NAV1: variants seen among roughly 807,000 people sequenced by gnomAD.
The protein encoded by NAV1 is pore membrane and/or filament interacting like protein 3.
Under a neutral mutation model 175.2 loss-of-function variants are expected in NAV1, and 18 were observed. That is an observed-to-expected ratio of 0.10 (90% CI 0.07 to 0.15). The LOEUF (loss-of-function observed/expected upper bound fraction) is 0.15, where lower values mean the gene tolerates loss of function less well. Ranked by LOEUF, NAV1 falls within the 10% of genes least tolerant of loss-of-function variation. NAV1 has a pLI of 1.00. For synonymous variants in NAV1, 897 were observed against 978.7 expected (o/e 0.92, Z 1.56); for missense variants, 1,731 against 2,436.6 (o/e 0.71, Z 6.10).
intron 1 of NAV1, among the ~76,000 whole-genome samples, chr1:201,686,801 G>C (rs1670701939): frequency 6.6e-6 from 1 of 152,132 alleles, no homozygotes; most frequent in East Asian, 1.9e-4. Flanking sequence ...AACCCCTGCA[G>C]CCTACCTCTC....
chr1:201,729,115 C>T (rs1672737114), intron 3 of NAV1, among the ~76,000 whole-genome samples: 1 of 152,178 alleles, frequency 6.6e-6, no homozygotes, highest in Non-Finnish European at 1.5e-5. Flanking sequence ...CACTGTCTCC[C>T]CTCTTTAATT....
intron 3 of NAV1, among the ~76,000 whole-genome samples, chr1:201,761,139 ACCT>A (rs1397837929): frequency 6.6e-6 from 1 of 152,078 alleles, no homozygotes; most frequent in African/African-American, 2.4e-5. Flanking sequence ...AAAAAAGATG[ACCT>A]CCTCAGCTTT....
upstream of NAV1, among the ~76,000 whole-genome samples, chr1:201,618,274 C>A (rs897112291): frequency 1.3e-5 from 2 of 152,170 alleles, no homozygotes; most frequent in African/African-American, 4.8e-5. Flanking sequence ...TGAGGCCTAT[C>A]TTTTCCCCCT....
intron 1 of NAV1, among the ~76,000 whole-genome samples, chr1:201,624,869 A>G (rs762591550): frequency 5.9e-5 from 9 of 152,252 alleles, no homozygotes; most frequent in Non-Finnish European, 8.8e-5. Context: ...CATCCCTTAC[A>G]CACCAGGGAC....
chr1:201,808,691 T>C lies in NAV1; in HGVS notation c.4039-12T>C, dbSNP rs571009640. The C allele has an allele frequency of 6.2e-7, 1 of 1,614,238 alleles. No individual in the cohort carries two copies. The highest frequency in any genetic ancestry group is 2.2e-5 in the East Asian group (1 of 44,880). ...CCAGTCTGCCACCCTACCCTGTCTG[T>C]TCTTGCCACAGTTGGAGGTGGACCT... On this transcript the variant is annotated splice_polypyrimidine_tract_variant and intron_variant, in intron 19 of 29. Coordinates refer to ENST00000367296, the Ensembl canonical transcript of NAV1. This position sits in a 1 kb window ranked among gnomAD's most constrained non-coding sequence, Gnocchi z 5.5.
At position 201,718,525 on chromosome 1, in the gene NAV1, T is replaced by C; in HGVS notation, c.996T>C (p.Ser332=). The change falls in exon 3 of 30, where the codon TCT becomes TCC. Residue 332 remains serine (S), a synonymous_variant. Transcript: ENST00000367296. The surrounding 1 kb of genome is among the most constrained non-coding windows in gnomAD (Gnocchi z 4.8). ...GGCTGCAGGCTGGTGACGCGCCCTC[T>C]GTGGGTGGGAGCTGCCGCTCGGAGG... 1.9e-6 allele frequency: 3 copies of C among 1,611,752 alleles called. No individual in the cohort carries two copies. The highest frequency in any genetic ancestry group is 2.5e-6 in the Non-Finnish European group (3 of 1,178,700).
intron 1 of NAV1, among the ~76,000 whole-genome samples, chr1:201,661,129 T>C (rs530845059): frequency 2.1e-3 from 327 of 152,322 alleles, no homozygotes; most frequent in Non-Finnish European, 3.7e-3. Context: ...TGATTCAGGC[T>C]CATGATTCAG....
intron 2 of NAV1, among the ~76,000 whole-genome samples, chr1:201,603,872 C>A (rs758442845): frequency 1.1e-4 from 16 of 152,154 alleles, no homozygotes; most frequent in Non-Finnish European, 2.1e-4. Context: ...TCCATTTCAT[C>A]GCATAGCCTT....
intron 2 of NAV1, among the ~76,000 whole-genome samples, chr1:201,602,444 A>C (rs1667544646): frequency 1.3e-5 from 2 of 151,998 alleles, no homozygotes; most frequent in South Asian, 2.1e-4. Context: ...CAAGTTCAAC[A>C]ATTCTCATAC....
At position 201,718,593 on chromosome 1, in the gene NAV1, C is replaced by G; in HGVS notation, c.1064C>G (p.Ser355Cys). 6.2e-7 allele frequency: 1 copy of G among 1,614,186 alleles called. No individual in the cohort carries two copies. Among genetic ancestry groups the G allele is most frequent in the Non-Finnish European group, 8.5e-7 (1 of 1,180,034 alleles). Residue 355 changes from serine (S) to cysteine (C), a missense_variant, in exon 3 of 30, where the codon TCC becomes TGC. By Grantham distance (112) the Ser-to-Cys change is moderately radical. Around this residue, in one of 13 missense-constraint regions of NAV1, gnomAD observed 487 missense variants for 581.3 expected, o/e 0.84. Coordinates refer to ENST00000367296, the Ensembl canonical transcript of NAV1. This position sits in a 1 kb window ranked among gnomAD's most constrained non-coding sequence, Gnocchi z 4.8. ...ATGCACGGCGAACGGGCCCACTACT[C>G]CCACACCATGCCCATGCGCAGCCCC...
chr1:201,539,300 C>T lies in NAV1; in HGVS notation c.-186C>T, dbSNP rs1665432121. ...GCCCTTGGGGATGCGCGACTCTGCG[C>T]GGCTGCGGCGCGGACCCGGAGCCCG... On this transcript the variant is annotated 5_prime_UTR_variant, in exon 1 of 34. Coordinates refer to the NAV1 transcript ENST00000685211. The surrounding 1 kb of genome is among the most constrained non-coding windows in gnomAD (Gnocchi z 5.6). Among the ~76,000 whole-genome samples the T allele has an allele frequency of 6.6e-6, 1 of 151,896 alleles. No homozygotes were observed. The highest frequency in any genetic ancestry group is 1.5e-5 in the Non-Finnish European group (1 of 67,950).
At chr1:201,605,929 T>A (rs543049264) in intron 2 of NAV1, among the ~76,000 whole-genome samples, 1 of 152,266 alleles carries the variant, frequency 6.6e-6, no homozygotes, top group Admixed American at 6.5e-5. Flanking sequence ...AGCCTCTGCA[T>A]CCCTTCTGCT....
rs570357585 is a variant in NAV1 at position 201,577,805 on chromosome 1, C to A, written c.-143-10734C>A. ...ACAGTTCTTTTTATTTTCCCCCCAG[C>A]ACTTGAAAAATATTGTGCCACTTCC... On this transcript the variant is annotated intron_variant, in intron 1 of 33. Transcript: ENST00000685211. Among the ~76,000 whole-genome samples, 3 of 152,278 alleles carry A rather than the reference C, an allele frequency of 2.0e-5. No individual in the cohort carries two copies. The South Asian group carries it at 6.2e-4, about 32-fold the overall frequency.
chr1:201,777,924 G>T (rs1280433504), intron 3 of NAV1, among the ~76,000 whole-genome samples: 1 of 152,118 alleles, frequency 6.6e-6, no homozygotes, highest in Non-Finnish European at 1.5e-5. Flanking sequence ...GACACAGTGA[G>T]AGGAAAGAAA....
At chr1:201,645,539 CTTAAA>C (rs1668948904), upstream of NAV1, among the ~76,000 whole-genome samples, 1 of 151,828 alleles carries the variant, frequency 6.6e-6, no homozygotes, top group South Asian at 2.1e-4. Flanking sequence ...TACCCTAAAA[CTTAAA>C]TTATAATAAT....
chr1:201,781,241 G>T, exon 5 of NAV1: 1 of 1,613,930 alleles, frequency 6.2e-7, no homozygotes, highest in Non-Finnish European at 8.5e-7. Context: ...CTGAAGAAGG[G>T]CAAGACCCCA....
rs906785699 is a variant in NAV1, at chr1:201,539,744, C to T, written c.-144+402C>T. On this transcript the variant is annotated intron_variant, in intron 1 of 33. Coordinates refer to the NAV1 transcript ENST00000685211. The surrounding 1 kb of genome is among the most constrained non-coding windows in gnomAD (Gnocchi z 5.6). ...TATACTCGCACCCACACGGCAAGCA[C>T]ACACCCTACCCGCACCTCTGCCTTT... 1.3e-5 allele frequency among the ~76,000 whole-genome samples: 2 copies of T among 152,322 alleles called. No homozygotes were observed. Among genetic ancestry groups the T allele is most frequent in the South Asian group, 2.1e-4 (1 of 4,832 alleles).
chr1:201,640,435 G>A (rs925595326), intron 2 of NAV1, among the ~76,000 whole-genome samples: 2 of 152,240 alleles, frequency 1.3e-5, no homozygotes, highest in South Asian at 2.1e-4. Context: ...AAGTGGGAGT[G>A]GGGGATGGGG....
chr1:201,789,888 T>G (rs1265187075), intron 11 of NAV1, 96 bp downstream of exon 15: 1 of 1,161,616 alleles, frequency 8.6e-7, no homozygotes. Flanking sequence ...GGGCGGGGGA[T>G]GGGGGCACTG....
Sources: allele counts gnomAD v4.1 joint callset (sites outside exome capture counted in the v4.1 genomes callset), GRCh38; gene constraint gnomAD v4.1.1; regional missense constraint gnomAD v4.1.1; non-coding constraint Gnocchi (gnomAD v3.1); transcripts MANE v1.5; gene names NCBI Gene and HGNC (gene_info 2026-07-23, HGNC 2026-07-21).